CDH8: variants seen among roughly 807,000 people sequenced by gnomAD.
CDH8 encodes cadherin 8, also known as cadherin-8.
CDH8 carries 17 observed loss-of-function variants against 68.1 expected under a neutral mutation model. The ratio of observed to expected loss-of-function variants is 0.25; its 90% CI spans 0.17 to 0.37. The LOEUF is 0.37. CDH8 is among the 10% of genes least tolerant of loss of function. CDH8 has a pLI of 1.00. For missense variants in CDH8, 763 were observed against 999.3 expected (o/e 0.76, Z 3.19); for synonymous variants, 372 against 365.1 (o/e 1.02, Z -0.21).
chr16:61,804,634 G>A (rs1216159512), intron 7 of CDH8, among the ~76,000 whole-genome samples: 1 of 149,574 alleles, frequency 6.7e-6, no homozygotes, highest in Admixed American at 6.8e-5. Context: ...TGATAAAGGG[G>A]ATATCACCAC....
intron 8 of CDH8, among the ~76,000 whole-genome samples, chr16:61,783,811 C>T (rs928184766): frequency 1.3e-5 from 2 of 152,010 alleles, no homozygotes; most frequent in Admixed American, 1.3e-4. Context: ...AATTTTCAAC[C>T]CAGAATTTCA....
At chr16:61,690,499 T>C (rs539489225) in intron 10 of CDH8, among the ~76,000 whole-genome samples, 2 of 152,242 alleles carry the variant, frequency 1.3e-5, no homozygotes, top group African/African-American at 4.8e-5. Flanking sequence ...ATATGCATGA[T>C]AAGATCTTCA....
chr16:61,821,316 G>A (rs1373181690), intron 5 of CDH8, among the ~76,000 whole-genome samples: 4 of 152,034 alleles, frequency 2.6e-5, no homozygotes, highest in Non-Finnish European at 5.9e-5. Flanking sequence ...GTTCCCAGAA[G>A]AAGGCATGAT....
intron 6 of CDH8, among the ~76,000 whole-genome samples, chr16:61,819,523 TTC>T (rs1962162362): frequency 5.9e-5 from 9 of 152,096 alleles, no homozygotes; most frequent in Non-Finnish European, 1.2e-4. Flanking sequence ...TGTTTTGTAG[TTC>T]TTAATGCTAA....
intron 8 of CDH8, among the ~76,000 whole-genome samples, chr16:61,770,441 G>T (rs1391108975): frequency 6.6e-6 from 1 of 151,670 alleles, no homozygotes; most frequent in African/African-American, 2.4e-5. Context: ...TTAGGCCTTG[G>T]GTATCTATTT....
chr16:61,959,994 A>G lies in CDH8; in HGVS notation c.253-58521T>C, dbSNP rs1228433221. Among the ~76,000 whole-genome samples, 30 of 77,194 alleles carry G rather than the reference A, an allele frequency of 3.9e-4. 6 individuals carry two copies. Among genetic ancestry groups the G allele is most frequent in the Admixed American group, 1.1e-3 (9 of 8,500 alleles). 50.6% of individuals were successfully genotyped at this position (77,194 alleles called of 152,430 possible). A position where few individuals can be genotyped will look rare whatever the true frequency, so the allele number is the denominator to read the frequency against. The stretch of plus-strand genomic sequence containing the variant: ...TATGTGTGTGTGTGTGTATATATAT[A>G]TATATATATATATATATATATACAC... On this transcript the variant is annotated intron_variant, in intron 2 of 11. Transcript: ENST00000577390.
intron 2 of CDH8, among the ~76,000 whole-genome samples, chr16:61,925,061 A>G (rs1164449683): frequency 1.3e-5 from 2 of 152,198 alleles, no homozygotes; most frequent in African/African-American, 4.8e-5. Flanking sequence ...CTCCTATTCA[A>G]TCATATAGCA....
chr16:61,868,153 G>A (rs2143025220), intron 3 of CDH8, among the ~76,000 whole-genome samples: 1 of 152,308 alleles, frequency 6.6e-6, no homozygotes, highest in South Asian at 2.1e-4. Context: ...AATAAAGCCT[G>A]AATTTATAAG....
At chr16:61,731,125 T>C (rs1239579822) in intron 8 of CDH8, among the ~76,000 whole-genome samples, 2 of 151,588 alleles carry the variant, frequency 1.3e-5, no homozygotes, top group African/African-American at 4.8e-5. Context: ...AAAGCAGGCC[T>C]TGAAGCAGAA....
At chr16:61,907,384 C>G (rs1370328647) in intron 2 of CDH8, among the ~76,000 whole-genome samples, 1 of 152,108 alleles carries the variant, frequency 6.6e-6, no homozygotes, top group Non-Finnish European at 1.5e-5. Flanking sequence ...GAAAGTTTCT[C>G]CAAGTACCTA....
intron 4 of CDH8, among the ~76,000 whole-genome samples, chr16:61,847,169 T>C (rs1962825052): frequency 6.6e-6 from 1 of 152,056 alleles, no homozygotes; most frequent in Non-Finnish European, 1.5e-5. Context: ...TCTGTGTTTG[T>C]TTTCTCATTC....
intron 3 of CDH8, among the ~76,000 whole-genome samples, chr16:61,881,024 G>A (rs1241653814): frequency 6.6e-6 from 1 of 152,062 alleles, no homozygotes; most frequent in Non-Finnish European, 1.5e-5. Context: ...TCTGAATGCT[G>A]CCAACAGCCA....
intron 1 of CDH8, among the ~76,000 whole-genome samples, chr16:62,030,509 A>C (rs1032269675): frequency 6.6e-6 from 1 of 152,188 alleles, no homozygotes; most frequent in Non-Finnish European, 1.5e-5. Context: ...TTTATAAATC[A>C]AATTTTGGAG....
intron 3 of CDH8, among the ~76,000 whole-genome samples, chr16:61,879,627 C>T (rs377176829): frequency 6.6e-6 from 1 of 152,130 alleles, no homozygotes; most frequent in African/African-American, 2.4e-5. Flanking sequence ...CCTGACCTTT[C>T]GGCAGGAAGT....
In CDH8 at chr16:61,751,382, TAAAAAAAAAAAAAA is replaced by T. The variant is rs71134375; in HGVS notation, c.1415-24181_1415-24168del. ...CACAAATGTCCTTCCATATTCTCCT[TAAAAAAAAAAAAAA>T]AAAAAAAAAAAAAAACAAGCAGTTT... On this transcript the variant is annotated intron_variant, in intron 8 of 11. Transcript: ENST00000577390. Among the ~76,000 whole-genome samples the T allele has an allele frequency of 3.9e-3, 210 of 54,156 alleles. 2 individuals carry two copies. Among genetic ancestry groups the T allele is most frequent in the Admixed American group, 0.023 (74 of 3,222 alleles). The allele number at this position is 54,156 out of a possible 152,430, so 35.5% of individuals were successfully genotyped here.
chr16:61,872,839 A>C (rs1451399311), intron 3 of CDH8, among the ~76,000 whole-genome samples: 1 of 152,200 alleles, frequency 6.6e-6, no homozygotes, highest in African/African-American at 2.4e-5. Flanking sequence ...TATGGGATAT[A>C]CACCTCTTTA....
At chr16:61,876,674 A>G (rs1484700355) in intron 3 of CDH8, among the ~76,000 whole-genome samples, 2 of 152,118 alleles carry the variant, frequency 1.3e-5, no homozygotes, top group Non-Finnish European at 2.9e-5. Flanking sequence ...GACTATACAA[A>G]AGAATCCTCT....
intron 2 of CDH8, among the ~76,000 whole-genome samples, chr16:62,003,042 A>G (rs967097220): frequency 6.6e-6 from 1 of 151,512 alleles, no homozygotes; most frequent in African/African-American, 2.4e-5. Context: ...ACAGAGCCAG[A>G]CTCCGTTTCA....
At chr16:61,941,377 C>T (rs775457866) in intron 2 of CDH8, among the ~76,000 whole-genome samples, 3 of 152,180 alleles carry the variant, frequency 2.0e-5, no homozygotes, top group Non-Finnish European at 2.9e-5. Flanking sequence ...TAAAACAAAG[C>T]GTCATATTCT....
Sources: allele counts gnomAD v4.1 joint callset (sites outside exome capture counted in the v4.1 genomes callset), GRCh38; gene constraint gnomAD v4.1.1; transcripts MANE v1.5; gene names NCBI Gene and HGNC (gene_info 2026-07-23, HGNC 2026-07-21).